The following CPQ variants were observed in gnomAD, a reference collection of about 807,000 sequenced individuals.
CPQ encodes the protein carboxypeptidase Q, also known as Ser-Met dipeptidase.
In CPQ, 37 loss-of-function variants were observed where a neutral mutation model predicts 45.7. That is an observed-to-expected ratio of 0.81 (90% confidence interval 0.62 to 1.07). The LOEUF is 1.07. Ranked by LOEUF, CPQ falls within the 50% of genes least tolerant of loss-of-function variation. The pLI, the probability that CPQ is intolerant of heterozygous loss-of-function variation, is 0.00. For synonymous variants in CPQ, 186 were observed against 205.8 expected (o/e 0.90, Z 0.82); for missense variants, 537 against 572.9 (o/e 0.94, Z 0.64).
intron 1 of CPQ, among the ~76,000 whole-genome samples, chr8:96,671,583 C>T (rs973230473): frequency 6.6e-6 from 1 of 152,044 alleles, no homozygotes; most frequent in Non-Finnish European, 1.5e-5. Flanking sequence ...GCAGCTGCAA[C>T]AAGGAAACTA....
chr8:96,904,634 G>C (rs945925387), intron 4 of CPQ, among the ~76,000 whole-genome samples: 31 of 152,142 alleles, frequency 2.0e-4, no homozygotes, highest in Non-Finnish European at 1.5e-5. Flanking sequence ...TTTTTAAAAA[G>C]GGCCCATCTC....
chr8:96,648,780 A>G (rs186556474), intron 1 of CPQ, among the ~76,000 whole-genome samples: 81 of 152,214 alleles, frequency 5.3e-4, no homozygotes, highest in African/African-American at 1.4e-3. Flanking sequence ...GACCAAGCAG[A>G]GGGAGAAGGG....
At chr8:96,763,983 G>T in intron 1 of CPQ, among the ~76,000 whole-genome samples, 1 of 152,136 alleles carries the variant, frequency 6.6e-6, no homozygotes, top group East Asian at 1.9e-4. Flanking sequence ...GTTTAAAAAA[G>T]TTAAACATAC....
intron 7 of CPQ, among the ~76,000 whole-genome samples, 190 bp from the exon 8 acceptor site, chr8:97,142,830 G>A (rs932025358): frequency 1.6e-4 from 24 of 152,116 alleles, no homozygotes; most frequent in Non-Finnish European, 1.2e-4. Flanking sequence ...ATCCACAGCC[G>A]GCTACTCACA....
chr8:96,665,360 A>G lies in CPQ; in HGVS notation c.-35+19958A>G, dbSNP rs371975903. On this transcript the variant is annotated intron_variant, in intron 1 of 7. Coordinates refer to ENST00000220763, the MANE Select transcript of CPQ (RefSeq NM_016134.4). ...AAGACATGAATGAAAGTGATAAACA[A>G]TGTGTTGGTAGGAACAGAAGAAAGA... is the stretch of plus-strand genomic sequence containing the variant. 2.6e-5 allele frequency among the ~76,000 whole-genome samples: 4 copies of G among 152,348 alleles called. No individual in the cohort carries two copies. The East Asian group carries it at 7.7e-4, about 29-fold the overall frequency.
chr8:96,933,780 T>C (rs957050156), intron 4 of CPQ, among the ~76,000 whole-genome samples: 1 of 152,034 alleles, frequency 6.6e-6, no homozygotes, highest in African/African-American at 2.4e-5. Flanking sequence ...GTGATGACCA[T>C]GTGGTATTGA....
chr8:97,110,151 G>A (rs532450902), intron 7 of CPQ, among the ~76,000 whole-genome samples: 1 of 152,204 alleles, frequency 6.6e-6, no homozygotes, highest in Admixed American at 6.5e-5. Context: ...ACTTCACCAA[G>A]AGACAACACT....
At chr8:96,849,669 A>G (rs1231169680) in intron 3 of CPQ, among the ~76,000 whole-genome samples, 1 of 152,144 alleles carries the variant, frequency 6.6e-6, no homozygotes, top group Non-Finnish European at 1.5e-5. Context: ...GTGTGCATGG[A>G]TTGGTGCAGC....
rs1812196018 is a variant in CPQ, at chr8:97,143,136, G to T, written c.1372G>T (p.Val458Phe). 6.2e-7 allele frequency: 1 copy of T among 1,613,968 alleles called. No individual in the cohort carries two copies. Among genetic ancestry groups the T allele is most frequent in the Non-Finnish European group, 8.5e-7 (1 of 1,179,910 alleles). ...TGTTGCTGCTGCTGTTTGGGCTGTT[G>T]TTTCTTATGTTGTTGCAGACATGGA... ...MNVAAAVWAVVSYVVADMEEM... is the reference protein window; with the variant it reads ...MNVAAAVWAVFSYVVADMEEM... Residue 458 changes from valine (V) to phenylalanine (F), a missense_variant, in exon 8 of 8, where the codon GTT (valine) becomes TTT (phenylalanine). By Grantham distance (50) the Val-to-Phe change is conservative. Transcript: ENST00000220763.
At chr8:97,029,078 T>C (rs1000055386) in intron 5 of CPQ, among the ~76,000 whole-genome samples, 1 of 152,234 alleles carries the variant, frequency 6.6e-6, no homozygotes, top group Admixed American at 6.5e-5. Context: ...CTTCCAGATA[T>C]GATCTAATAT....
chr8:96,822,566 T>C (rs1811323240), intron 2 of CPQ, among the ~76,000 whole-genome samples: 1 of 152,034 alleles, frequency 6.6e-6, no homozygotes, highest in African/African-American at 2.4e-5. Context: ...TTCCCTTTTC[T>C]ACTTATCCCT....
chr8:96,791,487 A>G (rs1409001962), intron 2 of CPQ, among the ~76,000 whole-genome samples: 1 of 152,130 alleles, frequency 6.6e-6, no homozygotes, highest in African/African-American at 2.4e-5. Context: ...AACTAAGCCA[A>G]GTTACTGATT....
At chr8:96,857,574 T>C (rs1811867200) in intron 3 of CPQ, among the ~76,000 whole-genome samples, 1 of 152,230 alleles carries the variant, frequency 6.6e-6, no homozygotes. Flanking sequence ...GCTTGAATAG[T>C]GCAGCAGCTT....
intron 3 of CPQ, among the ~76,000 whole-genome samples, chr8:96,876,194 T>C (rs983773470): frequency 1.3e-5 from 2 of 152,008 alleles, no homozygotes; most frequent in Admixed American, 6.6e-5. Flanking sequence ...CTTAATTAGT[T>C]CTAATCGTTT....
chr8:96,833,412 G>T (rs1027107133), intron 2 of CPQ, among the ~76,000 whole-genome samples: 10 of 152,108 alleles, frequency 6.6e-5, no homozygotes, highest in Admixed American at 6.5e-5. Context: ...TAGAAATTTG[G>T]CTTCATTTCT....
At chr8:96,696,264 G>GGGAA (rs896827922) in intron 1 of CPQ, among the ~76,000 whole-genome samples, 1 of 151,578 alleles carries the variant, frequency 6.6e-6, no homozygotes, top group African/African-American at 2.4e-5. Flanking sequence ...ACACAGGAAG[G>GGGAA]GGAACATCAC....
At chr8:96,797,047 AACCAGGCT>A (rs1473882634) in intron 2 of CPQ, among the ~76,000 whole-genome samples, 1 of 152,212 alleles carries the variant, frequency 6.6e-6, no homozygotes, top group Non-Finnish European at 1.5e-5. Flanking sequence ...AATTCTGTAG[AACCAGGCT>A]ACCATGATTC....
At chr8:97,043,822 T>C (rs1000929101) in intron 6 of CPQ, among the ~76,000 whole-genome samples, 2 of 152,240 alleles carry the variant, frequency 1.3e-5, no homozygotes, top group Admixed American at 1.3e-4. Context: ...CCCACTCTCT[T>C]CTGGCTTGTA....
At chr8:96,762,653 G>A (rs1050675906) in intron 1 of CPQ, among the ~76,000 whole-genome samples, 3 of 152,062 alleles carry the variant, frequency 2.0e-5, no homozygotes, top group Non-Finnish European at 4.4e-5. Flanking sequence ...GCTTATGTCT[G>A]TTTTATATCT....
Sources: allele counts gnomAD v4.1 joint callset (sites outside exome capture counted in the v4.1 genomes callset), GRCh38; gene constraint gnomAD v4.1.1; transcripts MANE v1.5; gene names NCBI Gene and HGNC (gene_info 2026-07-23, HGNC 2026-07-21).